Variants in RAB6A observed in about 807,000 individuals in gnomAD.
RAB6A encodes RAB6A, member RAS oncogene family, also known as ras-related protein Rab-6A.
A neutral mutation model predicts 32.3 loss-of-function variants in RAB6A; 8 were observed. The ratio of observed to expected loss-of-function variants is 0.25; its 90% CI spans 0.15 to 0.45. The LOEUF (loss-of-function observed/expected upper bound fraction) is 0.45. Among genes scored for constraint, RAB6A ranks in the 20% least tolerant of loss-of-function variants. RAB6A has a pLI of 1.00. For synonymous variants in RAB6A, 73 were observed against 82.1 expected (o/e 0.89, Z 0.60); for missense variants, 104 against 249.4 (o/e 0.42, Z 3.93).
chr11:73,750,502 T>A (rs1016041865), intron 1 of RAB6A, among the ~76,000 whole-genome samples: 3 of 152,096 alleles, frequency 2.0e-5, no homozygotes, highest in Admixed American at 2.0e-4. Context: ...ATTATAGGCA[T>A]GTGCCACCGC....
rs558317747 is a variant in RAB6A, at chr11:73,734,003, A to G, written c.71-3180T>C. ...TACTATATATGTATCATTCCCAATA[A>G]AAAGTGTATATATGTATGTGGCTAT... On this transcript the variant is annotated intron_variant, in intron 1 of 7. Transcript: ENST00000336083. Among the ~76,000 whole-genome samples the G allele has an allele frequency of 1.3e-3, 200 of 152,314 alleles. 1 individual carries two copies. Among genetic ancestry groups the G allele is most frequent in the Non-Finnish European group, 2.1e-3 (145 of 68,032 alleles).
chr11:73,737,556 C>T (rs1946419583), intron 1 of RAB6A, among the ~76,000 whole-genome samples: 1 of 152,078 alleles, frequency 6.6e-6, no homozygotes, highest in Non-Finnish European at 1.5e-5. Flanking sequence ...CCATAAGAGC[C>T]AAAGTGCAGA....
At chr11:73,729,508 TTA>T in intron 2 of RAB6A, 1 of 152,340 alleles carries the variant, frequency 6.6e-6, no homozygotes, top group Admixed American at 6.5e-5. Flanking sequence ...GTCAATTTTT[TTA>T]TCTTTTCAAA....
intron 1 of RAB6A, among the ~76,000 whole-genome samples, chr11:73,742,283 A>AAAAT (rs748036505): frequency 1.6e-3 from 244 of 152,014 alleles, no homozygotes; most frequent in African/African-American, 5.5e-3. Context: ...CTCTGTCTCA[A>AAAAT]AAATAAATAA....
chr11:73,692,591 T>TA (rs1481142710), intron 6 of RAB6A, among the ~76,000 whole-genome samples: 1 of 150,788 alleles, frequency 6.6e-6, no homozygotes, highest in Admixed American at 6.6e-5. Context: ...ATTTCAAACT[T>TA]ACATGCATAA....
At chr11:73,753,394 A>AGGCTAGTGG (rs756944258) in intron 1 of RAB6A, among the ~76,000 whole-genome samples, 158 of 151,960 alleles carry the variant, frequency 1.0e-3, no homozygotes, top group Non-Finnish European at 1.3e-4. Context: ...ACAGGGTTTC[A>AGGCTAGTGG]CCATGTTGGC....
intron 1 of RAB6A, among the ~76,000 whole-genome samples, chr11:73,739,263 T>TTTAAAAA (rs1555066890): frequency 1.1e-4 from 1 of 9,384 alleles, no homozygotes; most frequent in Non-Finnish European, 1.9e-4. Flanking sequence ...TAATAATAAT[T>TTTAAAAA]AAAAAAAAAA....
chr11:73,709,549 TTCTTTGAGTTGGCTCTCCTGAA>T (rs1476071556), intron 5 of RAB6A, among the ~76,000 whole-genome samples: 1 of 149,662 alleles, frequency 6.7e-6, no homozygotes, highest in Admixed American at 6.7e-5. Context: ...CCAGTAGAGC[TTCTTTGAGTTGGCTCTCCTGAA>T]TCTGACATAA....
intron 1 of RAB6A, among the ~76,000 whole-genome samples, chr11:73,749,324 G>A (rs978569387): frequency 1.1e-4 from 17 of 151,990 alleles, no homozygotes; most frequent in African/African-American, 3.9e-4. Flanking sequence ...GAACACAAAG[G>A]AAAAACAATG....
At chr11:73,740,663 C>T (rs1486678015) in intron 1 of RAB6A, among the ~76,000 whole-genome samples, 3 of 151,680 alleles carry the variant, frequency 2.0e-5, no homozygotes, top group African/African-American at 7.2e-5. Flanking sequence ...CCAAGGCAGG[C>T]GGATCACCTG....
intron 1 of RAB6A, among the ~76,000 whole-genome samples, chr11:73,751,806 A>G (rs924441021): frequency 6.6e-5 from 10 of 152,318 alleles, no homozygotes; most frequent in Admixed American, 1.3e-4. Context: ...TCTCTCCAGC[A>G]GTGCACTGAG....
intron 5 of RAB6A, among the ~76,000 whole-genome samples, chr11:73,710,344 C>CGCAG (rs149857455): frequency 4.4e-5 from 1 of 22,920 alleles, no homozygotes; most frequent in Non-Finnish European, 1.3e-4. Context: ...AATGCCAGTT[C>CGCAG]TCAATCATTA....
At position 73,727,279 on chromosome 11, in the gene RAB6A, A is replaced by G. The variant is rs562979545; in HGVS notation, c.129+3486T>C. ...TGTACAAAAAAAATTTTTTTTAATTAGCTGGGAGTGGTGGCGTGTACCTGT... is the reference window on the plus strand; with the variant it reads ...TGTACAAAAAAAATTTTTTTTAATTGGCTGGGAGTGGTGGCGTGTACCTGT... On this transcript the variant is annotated intron_variant, in intron 2 of 7. Coordinates refer to ENST00000336083, the MANE Select transcript of RAB6A (RefSeq NM_198896.2). Among the ~76,000 whole-genome samples the G allele has an allele frequency of 7.2e-5, 11 of 151,982 alleles. No homozygotes were observed. The South Asian group carries it at 1.7e-3, about 23-fold the overall frequency.
intron 2 of RAB6A, chr11:73,722,319 ATATATATATATATATATATATATATTTT>A (rs1565364819): frequency 8.8e-5 from 1 of 11,408 alleles, no homozygotes; most frequent in African/African-American, 1.7e-4. Flanking sequence ...ATATATATAT[ATATATATATATATATATATATATATTTT>A]TTTTTTTTTT....
At chr11:73,699,150 G>A (rs1945702809) in intron 6 of RAB6A, among the ~76,000 whole-genome samples, 1 of 152,126 alleles carries the variant, frequency 6.6e-6, no homozygotes, top group South Asian at 2.1e-4. Context: ...ACTGCGCCAG[G>A]CCGATAATGC....
rs1213519859 is a variant in RAB6A, at chr11:73,731,753, CT to C, written c.71-931del. Reference sequence around the variant, plus strand: ...ATATACACACACACACACATATTTTCTTTTTTTTTTAGACAGTCTCGCTCTG... The same window carrying C: ...ATATACACACACACACACATATTTTCTTTTTTTTTAGACAGTCTCGCTCTG... On this transcript the variant is annotated intron_variant, in intron 1 of 7. Transcript: ENST00000336083. Among the ~76,000 whole-genome samples, 13 of 106,250 alleles carry C rather than the reference CT, an allele frequency of 1.2e-4. 1 individual carries two copies. Among genetic ancestry groups the C allele is most frequent in the East Asian group, 8.1e-4 (3 of 3,720 alleles). The allele number at this position is 106,250 out of a possible 152,430, so 69.7% of individuals were successfully genotyped here.
chr11:73,689,929 G>A (rs1220228929), intron 6 of RAB6A, among the ~76,000 whole-genome samples: 1 of 151,324 alleles, frequency 6.6e-6, no homozygotes, highest in Non-Finnish European at 1.5e-5. Flanking sequence ...ACCGACTCAG[G>A]CATGATCACT....
intron 6 of RAB6A, among the ~76,000 whole-genome samples, chr11:73,686,831 T>C (rs1744621106): frequency 1.3e-5 from 2 of 152,140 alleles, no homozygotes. Context: ...CTTCATAACA[T>C]CTATTTTAAC....
chr11:73,683,909 T>C (rs1945398454), intron 6 of RAB6A, among the ~76,000 whole-genome samples: 1 of 152,170 alleles, frequency 6.6e-6, no homozygotes, highest in Non-Finnish European at 1.5e-5. Context: ...GAAACAGCAT[T>C]GCATGCTACA....
Sources: allele counts gnomAD v4.1 joint callset (sites outside exome capture counted in the v4.1 genomes callset), GRCh38; gene constraint gnomAD v4.1.1; transcripts MANE v1.5; gene names NCBI Gene and HGNC (gene_info 2026-07-23, HGNC 2026-07-21).